Variants in USH2A observed in about 807,000 individuals in gnomAD.
The protein encoded by USH2A is Usher syndrome 2A (autosomal recessive, mild).
Under a neutral mutation model 538.9 loss-of-function variants are expected in USH2A, and 443 were observed. That is an observed-to-expected ratio of 0.82 (90% confidence interval 0.76 to 0.89). The LOEUF is 0.89. Among genes scored for constraint, USH2A ranks in the 40% least tolerant of loss-of-function variants. USH2A has a pLI of 0.00. For missense variants in USH2A, 6,633 were observed against 6,324.8 expected (o/e 1.05, Z -1.65); for synonymous variants, 2,413 against 2,273.5 (o/e 1.06, Z -1.75).
chr1:215,624,835 A>G lies in USH2A; in HGVS notation c.*946T>C, dbSNP rs928775105. On this transcript the variant is annotated 3_prime_UTR_variant, in exon 72 of 72. Coordinates refer to ENST00000307340, the MANE Select transcript of USH2A (RefSeq NM_206933.4). The stretch of plus-strand genomic sequence containing the variant: ...CTCTACATGTATATATGTTAATGCT[A>G]GAAGGAACAGATACATTTTTCCTTT... 2.6e-5 allele frequency: 4 copies of G among 152,180 alleles called. No individual in the cohort carries two copies. The highest frequency in any genetic ancestry group is 2.0e-4 in the Admixed American group (3 of 15,256). 9.4% of individuals were successfully genotyped at this position (152,180 alleles called of 1,614,324 possible). A position where few individuals can be genotyped will look rare whatever the true frequency, so the allele number is the denominator to read the frequency against.
intron 3 of USH2A, among the ~76,000 whole-genome samples, chr1:216,385,950 C>G (rs2038996447): frequency 6.6e-6 from 1 of 152,124 alleles, no homozygotes; most frequent in African/African-American, 2.4e-5. Flanking sequence ...ATCCAAGAAG[C>G]ACTATCATAA....
chr1:215,829,504 T>G (rs1663251787), intron 47 of USH2A, among the ~76,000 whole-genome samples: 1 of 152,228 alleles, frequency 6.6e-6, no homozygotes, highest in Admixed American at 6.5e-5. Context: ...AACCAAATTA[T>G]TTTAAATGCT....
rs1655950598 is a variant in USH2A, at chr1:215,624,707, G to T, written c.*1074C>A. On this transcript the variant is annotated 3_prime_UTR_variant, in exon 72 of 72. Coordinates refer to ENST00000307340, the MANE Select transcript of USH2A (RefSeq NM_206933.4). The stretch of plus-strand genomic sequence containing the variant: ...CTGTTGCATATCATCTGTTCTTACT[G>T]ATTCTGTGGCTAAAATAATGGCTAG... 6.6e-6 allele frequency: 1 copy of T among 152,090 alleles called. No individual in the cohort carries two copies. Among genetic ancestry groups the T allele is most frequent in the South Asian group, 2.1e-4 (1 of 4,824 alleles). The allele number at this position is 152,090 out of a possible 1,614,324, so 9.4% of individuals were successfully genotyped here. A position where few individuals can be genotyped will look rare whatever the true frequency, so the allele number is the denominator to read the frequency against.
chr1:215,725,639 T>C (rs1659790673), intron 61 of USH2A, among the ~76,000 whole-genome samples: 1 of 152,178 alleles, frequency 6.6e-6, no homozygotes, highest in Non-Finnish European at 1.5e-5. Flanking sequence ...CACATACACA[T>C]TCAAAAATAG....
chr1:216,327,190 C>T (rs1277562783), intron 5 of USH2A, among the ~76,000 whole-genome samples: 2 of 152,100 alleles, frequency 1.3e-5, no homozygotes, highest in South Asian at 2.1e-4. Flanking sequence ...TAATTAATCA[C>T]GTTTATTGTT....
chr1:215,626,692 G>A (rs919115242), intron 71 of USH2A, among the ~76,000 whole-genome samples: 1 of 152,042 alleles, frequency 6.6e-6, no homozygotes, highest in Admixed American at 6.6e-5. Context: ...TTACAAATAG[G>A]AGCTCTGTAG....
intron 40 of USH2A, among the ~76,000 whole-genome samples, chr1:215,891,546 T>C (rs1168438396): frequency 6.6e-6 from 1 of 152,144 alleles, no homozygotes; most frequent in Non-Finnish European, 1.5e-5. Flanking sequence ...TTGGGGTAGT[T>C]TGCTAATACA....
chr1:215,691,076 G>A (rs189342021), intron 61 of USH2A, among the ~76,000 whole-genome samples: 10 of 152,196 alleles, frequency 6.6e-5, no homozygotes, highest in African/African-American at 2.4e-4. Context: ...TAGAGATGGG[G>A]TTTCATCATA....
At chr1:216,070,585 A>G (rs1481375871) in intron 29 of USH2A, among the ~76,000 whole-genome samples, 1 of 152,168 alleles carries the variant, frequency 6.6e-6, no homozygotes, top group East Asian at 1.9e-4. Context: ...TCACTCATAA[A>G]GAAGGAGGTG....
At position 216,199,628 on chromosome 1, in the gene USH2A, A is replaced by T; in HGVS notation, c.3810T>A (p.Asn1270Lys). The T allele has an allele frequency of 1.9e-6, 3 of 1,613,974 alleles. No homozygotes were observed. The highest frequency in any genetic ancestry group is 2.5e-6 in the Non-Finnish European group (3 of 1,179,986). The change falls in exon 17 of 72, where the codon AAT (asparagine) becomes AAA (lysine). Residue 1270 changes from asparagine (N) to lysine (K), a missense_variant and splice_region_variant. Physicochemically the swap from Asn to Lys is moderately conservative, Grantham distance 94. Coordinates refer to ENST00000307340, the MANE Select transcript of USH2A (RefSeq NM_206933.4). ...GGAATCTCAGCCTTGGATTCTTACC[A>T]TTTAGTTCCGCTGGTGGAGACCATT... ...HVEWSPPAEL[N>K]GIIIRYELYM...
At chr1:216,332,196 T>C (rs951698001) in intron 4 of USH2A, among the ~76,000 whole-genome samples, 3 of 152,124 alleles carry the variant, frequency 2.0e-5, no homozygotes, top group Non-Finnish European at 4.4e-5. Context: ...TTATTCGATC[T>C]GCCTGGAAGT....
At chr1:216,041,882 T>C (rs1271487834) in intron 32 of USH2A, among the ~76,000 whole-genome samples, 6 of 151,840 alleles carry the variant, frequency 4.0e-5, no homozygotes, top group Non-Finnish European at 8.8e-5. Context: ...TTTAAGAATA[T>C]AAAATTCACT....
intron 4 of USH2A, among the ~76,000 whole-genome samples, chr1:216,336,270 G>A (rs1217460195): frequency 2.0e-5 from 3 of 151,152 alleles, no homozygotes; most frequent in African/African-American, 4.8e-5. Context: ...TCTAATAAAG[G>A]GTATCTGTGA....
chr1:215,650,454 C>A, intron 65 of USH2A, 138 bp downstream of exon 65: 1 of 1,005,766 alleles, frequency 9.9e-7, no homozygotes. Flanking sequence ...GATATTTGTG[C>A]TACTAAGTTC....
intron 58 of USH2A, among the ~76,000 whole-genome samples, chr1:215,749,765 T>C (rs2102733605): frequency 6.6e-6 from 1 of 152,346 alleles, no homozygotes; most frequent in Admixed American, 6.5e-5. Flanking sequence ...AGTTTTGTTA[T>C]TTGGTGTCAA....
At chr1:215,679,167 A>C (rs1342764) in intron 62 of USH2A, among the ~76,000 whole-genome samples, 145,015 of 152,262 alleles carry the variant, frequency 0.95, 69,375 homozygotes, top group East Asian at 1. Flanking sequence ...TGGACCTGGG[A>C]CTGTGAGCTC....
intron 64 of USH2A, among the ~76,000 whole-genome samples, chr1:215,651,678 G>C (rs558443855): frequency 6.8e-6 from 1 of 147,770 alleles, no homozygotes; most frequent in Non-Finnish European, 1.5e-5. Flanking sequence ...AAAAAAAAAA[G>C]CATGCAGAAT....
chr1:216,262,434 C>T (rs1208873382), intron 11 of USH2A, among the ~76,000 whole-genome samples: 1 of 151,644 alleles, frequency 6.6e-6, no homozygotes, highest in African/African-American at 2.4e-5. Flanking sequence ...AATAAAAATA[C>T]AATCAAGAGT....
intron 19 of USH2A, among the ~76,000 whole-genome samples, chr1:216,190,756 C>G (rs1250822497): frequency 6.6e-6 from 1 of 151,870 alleles, no homozygotes; most frequent in East Asian, 1.9e-4. Flanking sequence ...AGCAGTAATA[C>G]CCAAGCTATT....
Sources: allele counts gnomAD v4.1 joint callset (sites outside exome capture counted in the v4.1 genomes callset), GRCh38; gene constraint gnomAD v4.1.1; transcripts MANE v1.5; gene names NCBI Gene and HGNC (gene_info 2026-07-23, HGNC 2026-07-21).